The following TASP1 variants were observed in gnomAD, a reference collection of about 807,000 sequenced individuals.
The protein encoded by TASP1 is threonine aspartase 1.
In TASP1, 16 loss-of-function variants were observed where a neutral mutation model predicts 56.6. That is an observed-to-expected ratio of 0.28 (90% confidence interval 0.19 to 0.43). The LOEUF (loss-of-function observed/expected upper bound fraction) is 0.43. Ranked by LOEUF, TASP1 falls within the 20% of genes least tolerant of loss-of-function variation. The probability of loss-of-function intolerance (pLI) is 1.00; values close to 1 mark genes in which losing one functional copy is unlikely to be tolerated. For missense variants in TASP1, 393 were observed against 511.6 expected (o/e 0.77, Z 2.24); for synonymous variants, 179 against 184.2 (o/e 0.97, Z 0.23).
chr20:13,154,359 A>G, the TASP1 span, among the ~76,000 whole-genome samples: 2 of 152,120 alleles, frequency 1.3e-5, no homozygotes, highest in Admixed American at 6.5e-5. Context: ...CTCTCCCTAA[A>G]TTCAAGTTCT....
At chr20:13,123,132 A>T in the TASP1 span, among the ~76,000 whole-genome samples, 2 of 152,164 alleles carry the variant, frequency 1.3e-5, no homozygotes, top group African/African-American at 2.4e-5. Context: ...GGAGTTCGAG[A>T]CCAGCCTGGC....
chr20:13,269,474 G>C, the TASP1 span, among the ~76,000 whole-genome samples: 3 of 152,254 alleles, frequency 2.0e-5, no homozygotes, highest in African/African-American at 7.2e-5. Context: ...GGCTATTCCT[G>C]TCTCTTCATC....
chr20:13,224,869 G>A, the TASP1 span, among the ~76,000 whole-genome samples: 4 of 127,668 alleles, frequency 3.1e-5, no homozygotes, highest in East Asian at 2.1e-4. Flanking sequence ...TTTTTGAGAC[G>A]CAGTCTTGCT....
the TASP1 span, among the ~76,000 whole-genome samples, chr20:13,321,253 T>TACAAA: frequency 1.7e-5 from 1 of 57,522 alleles, no homozygotes; most frequent in Non-Finnish European, 3.2e-5. Context: ...GTGCCCCACA[T>TACAAA]AAAAAAAAAA....
intron 11 of TASP1, among the ~76,000 whole-genome samples, chr20:13,453,384 G>A (rs1273678752): frequency 6.6e-6 from 1 of 152,104 alleles, no homozygotes; most frequent in South Asian, 2.1e-4. Flanking sequence ...TACTTAGCAT[G>A]TTGATGACAC....
the TASP1 span, among the ~76,000 whole-genome samples, chr20:13,272,523 T>C: frequency 1.3e-5 from 2 of 151,866 alleles, no homozygotes; most frequent in African/African-American, 4.8e-5. Context: ...CCCAAGGGGG[T>C]GGATCTCAAT....
chr20:13,598,865 A>G (rs1237380445), intron 4 of TASP1, among the ~76,000 whole-genome samples: 2 of 152,244 alleles, frequency 1.3e-5, no homozygotes, highest in African/African-American at 4.8e-5. Context: ...AAAGTAGGCA[A>G]AGGATATGAA....
chr20:13,582,902 G>C (rs1419075885), intron 5 of TASP1, among the ~76,000 whole-genome samples: 3 of 152,186 alleles, frequency 2.0e-5, no homozygotes, highest in African/African-American at 7.2e-5. Context: ...TGTCAGTAGA[G>C]GACACTAAAG....
intron 1 of TASP1, among the ~76,000 whole-genome samples, chr20:13,631,455 T>C (rs1194872595): frequency 6.6e-6 from 1 of 152,236 alleles, no homozygotes; most frequent in Non-Finnish European, 1.5e-5. Flanking sequence ...TGGTTATTTC[T>C]CACAATATTT....
chr20:13,143,452 C>T, the TASP1 span, among the ~76,000 whole-genome samples: 1 of 152,098 alleles, frequency 6.6e-6, no homozygotes, highest in Non-Finnish European at 1.5e-5. Context: ...TTATTATTAT[C>T]CTTGTCATGA....
intron 10 of TASP1, among the ~76,000 whole-genome samples, chr20:13,518,148 A>G (rs1341865161): frequency 2.6e-5 from 4 of 152,104 alleles, no homozygotes; most frequent in Non-Finnish European, 5.9e-5. Context: ...GCAGCTCCTC[A>G]GCATTCTAAG....
the TASP1 span, chr20:13,221,800 GC>G: frequency 6.9e-7 from 1 of 1,453,886 alleles, no homozygotes; most frequent in Admixed American, 2.5e-5. Context: ...CGGCCGAGCT[GC>G]TGCTGCTGCT....
At chr20:13,241,583 T>G in the TASP1 span, among the ~76,000 whole-genome samples, 1 of 152,088 alleles carries the variant, frequency 6.6e-6, no homozygotes, top group Non-Finnish European at 1.5e-5. Flanking sequence ...AATAGAGTGA[T>G]GGTAATAAAA....
intron 13 of TASP1, 50 bp downstream of exon 13, chr20:13,417,398 T>C (rs1222424275): frequency 6.2e-7 from 1 of 1,604,108 alleles, no homozygotes; most frequent in Non-Finnish European, 8.5e-7. Context: ...GTTAGAGGTT[T>C]ATGCGATGGC....
At chr20:13,588,730 A>C (rs1362805704) in intron 4 of TASP1, among the ~76,000 whole-genome samples, 1 of 152,188 alleles carries the variant, frequency 6.6e-6, no homozygotes, top group African/African-American at 2.4e-5. Flanking sequence ...TTACAATGGC[A>C]ATACTCCCCA....
chr20:13,599,788 AT>A (rs941403090), intron 4 of TASP1, among the ~76,000 whole-genome samples: 6 of 150,166 alleles, frequency 4.0e-5, no homozygotes, highest in African/African-American at 1.5e-4. Context: ...TCCATTCGTG[AT>A]TTAAAAAAAA....
chr20:13,565,006 CAAA>C (rs758976806), intron 7 of TASP1, among the ~76,000 whole-genome samples: 5 of 61,964 alleles, frequency 8.1e-5, no homozygotes, highest in Admixed American at 1.8e-4. Flanking sequence ...GACTCCATCT[CAAA>C]AAAAAAAAAA....
chr20:13,607,559 T>C, intron 4 of TASP1, among the ~76,000 whole-genome samples: 1 of 152,344 alleles, frequency 6.6e-6, no homozygotes, highest in Middle Eastern at 3.4e-3. Flanking sequence ...ATCATTTTTA[T>C]ATAAAATGAT....
chr20:13,225,147 C>T, the TASP1 span, among the ~76,000 whole-genome samples: 4 of 152,084 alleles, frequency 2.6e-5, no homozygotes, highest in Non-Finnish European at 4.4e-5. Context: ...GCCACCGCGC[C>T]CGGCCCATAC....
Sources: allele counts gnomAD v4.1 joint callset (sites outside exome capture counted in the v4.1 genomes callset), GRCh38; gene constraint gnomAD v4.1.1; transcripts MANE v1.5; gene names NCBI Gene and HGNC (gene_info 2026-07-23, HGNC 2026-07-21).